Variants in TDRD6 observed in about 807,000 individuals in gnomAD.
TDRD6 encodes tudor domain-containing protein 6.
Under a neutral mutation model 157.5 loss-of-function variants are expected in TDRD6, and 186 were observed. The observed-to-expected ratio is 1.18, with a 90% CI of 1.05 to 1.33. The LOEUF (loss-of-function observed/expected upper bound fraction) is 1.33, where lower values mean the gene tolerates loss of function less well. Among genes scored for constraint, TDRD6 ranks in the 40% most tolerant of loss-of-function variants. The probability of loss-of-function intolerance (pLI) is 0.00; values close to 1 mark genes in which losing one functional copy is unlikely to be tolerated. For synonymous variants in TDRD6, 1,075 were observed against 945.2 expected (o/e 1.14, Z -2.52); for missense variants, 3,066 against 2,508.0 (o/e 1.22, Z -4.75).
rs1467818221 is a variant in TDRD6 at position 46,691,301 on chromosome 6, A to G, written c.3173A>G (p.Glu1058Gly). The change falls in exon 1 of 4, where the codon GAG becomes GGG. Residue 1058 changes from glutamate (E) to glycine (G), a missense_variant. By Grantham distance (98) the Glu-to-Gly change is moderately conservative. Coordinates refer to ENST00000316081, the MANE Select transcript of TDRD6 (RefSeq NM_001010870.3). The part of the protein sequence containing the change: ...NWYRGIVIEK[E>G]PKKVFFVDFG... ...TATAGGGGCATAGTAATAGAGAAAG[A>G]GCCAAAGAAAGTCTTCTTTGTTGAT... The G allele has an allele frequency of 5.6e-6, 9 of 1,614,142 alleles. No homozygotes were observed. The highest frequency in any genetic ancestry group is 7.6e-6 in the Non-Finnish European group (9 of 1,179,978).
upstream of TDRD6, among the ~76,000 whole-genome samples, chr6:46,684,365 T>TTGTGTGTGTGTGTGTG (rs56327636): frequency 2.0e-5 from 3 of 146,988 alleles, no homozygotes; most frequent in African/African-American, 7.5e-5. Context: ...AAGCACACAT[T>TTGTGTGTGTGTGTGTG]TGTGTGTGTG....
upstream of TDRD6, among the ~76,000 whole-genome samples, chr6:46,686,476 T>TAAA (rs35028991): frequency 1.8e-3 from 224 of 127,836 alleles, 4 homozygotes; most frequent in East Asian, 0.012. Context: ...TAGAAGTATG[T>TAAA]AAAAAAAAAA....
At position 46,689,818 on chromosome 6, in the gene TDRD6, A is replaced by G. The variant is rs1764251562; in HGVS notation, c.1690A>G (p.Ser564Gly). ...CATAGTCACCAAATTGGATGACAAG[A>G]GTGTGGATGTATTCTTAGTTGACCG... ...RAIVTKLDDK[S>G]VDVFLVDRGN... The change falls in exon 1 of 4, where the codon AGT (serine) becomes GGT (glycine). Residue 564 changes from serine to glycine, a missense_variant. Ser to Gly is a moderately conservative substitution (Grantham distance 56). Coordinates refer to ENST00000316081, the MANE Select transcript of TDRD6 (RefSeq NM_001010870.3). 1 of 1,614,196 alleles carries G rather than the reference A, an allele frequency of 6.2e-7. No individual in the cohort carries two copies. The highest frequency in any genetic ancestry group is 8.5e-7 in the Non-Finnish European group (1 of 1,180,038).
Position 46,688,213 on chromosome 6 carries a change from C to G in TDRD6, c.85C>G (p.Pro29Ala). The G allele has an allele frequency of 6.5e-7, 1 of 1,541,648 alleles. No individual in the cohort carries two copies. Among genetic ancestry groups the G allele is most frequent in the Non-Finnish European group, 8.7e-7 (1 of 1,150,230 alleles). Residue 29 changes from proline to alanine, a missense_variant, in exon 1 of 4, where the codon CCG becomes GCG. Physicochemically the swap from Pro to Ala is conservative, Grantham distance 27. Coordinates refer to ENST00000316081, the MANE Select transcript of TDRD6 (RefSeq NM_001010870.3). The stretch of plus-strand genomic sequence containing the variant: ...CGTGGACGTGCATCCCGATGTGATC[C>G]CGGTGCAGCTGTGGGGGCTGGTGGG... ...SFVDVHPDVI[P>A]VQLWGLVGER...
chr6:46,695,790 G>T, intron 1 of TDRD6, 31 bp from the exon 2 acceptor site: 1 of 1,601,590 alleles, frequency 6.2e-7, no homozygotes, highest in Non-Finnish European at 8.5e-7. Context: ...TAAGAGATAT[G>T]CATTGAGTCT....
At position 46,688,495 on chromosome 6, in the gene TDRD6, C is replaced by T. The variant is rs868736513; in HGVS notation, c.367C>T (p.Pro123Ser). 9.0e-6 allele frequency: 14 copies of T among 1,556,528 alleles called. No homozygotes were observed. Among genetic ancestry groups the T allele is most frequent in the East Asian group, 2.4e-5 (1 of 42,056 alleles). The change falls in exon 1 of 4, where the codon CCC (proline) becomes TCC (serine). Residue 123 changes from proline to serine, a missense_variant. Coordinates refer to ENST00000316081, the MANE Select transcript of TDRD6 (RefSeq NM_001010870.3). ...APGRREFFNL[P>S]SEVLGCVLAG... ...TGGGCGCAGAGAGTTCTTCAATTTGCCCTCGGAAGTGCTGGGCTGCGTGCT... is the reference window on the plus strand; with the variant it reads ...TGGGCGCAGAGAGTTCTTCAATTTGTCCTCGGAAGTGCTGGGCTGCGTGCT...
intron 2 of TDRD6, among the ~76,000 whole-genome samples, chr6:46,696,602 T>TATATA (rs1442275184): frequency 1.5e-4 from 2 of 13,626 alleles, no homozygotes; most frequent in Non-Finnish European, 2.7e-4. Flanking sequence ...TATATATATA[T>TATATA]TTTTTTTTTT....
Position 46,689,289 on chromosome 6 carries a change from C to G in TDRD6, c.1161C>G (p.Gly387=), listed in dbSNP as rs184454222. ...ATGGACTCTGGGACGGTGGGAGAGG[C>G]TGGTCTCGGTCACAGGTCGGTGACC... ...ALYGLWDGGR[G]WSRSQVGDLK... is the part of the protein sequence containing the mutation. Residue 387 remains glycine (G), a synonymous_variant, in exon 1 of 4, where the codon GGC becomes GGG. Transcript: ENST00000316081. 1.6e-4 allele frequency: 254 copies of G among 1,614,168 alleles called. 2 individuals carry two copies. In the East Asian group the frequency reaches 5.5e-3, roughly 35 times the overall value.
chr6:46,688,813 C>G lies in TDRD6; in HGVS notation c.685C>G (p.Arg229Gly). Reference protein sequence around the residue: ...SVGSGVPVLSRVPLKQKQPGL... With the variant: ...SVGSGVPVLSGVPLKQKQPGL... ...GGGCTCCGGGGTCCCGGTTCTCTCG[C>G]GAGTCCCGCTCAAGCAAAAGCAGCC... Residue 229 changes from arginine (R) to glycine (G), a missense_variant, in exon 1 of 4, where the codon CGA (arginine) becomes GGA (glycine). Transcript: ENST00000316081. 5 of 1,611,992 alleles carry G rather than the reference C, an allele frequency of 3.1e-6. No individual in the cohort carries two copies. The highest frequency in any genetic ancestry group is 4.2e-6 in the Non-Finnish European group (5 of 1,179,742).
rs200563264 is a variant in TDRD6, at chr6:46,690,764, C to G, written c.2636C>G (p.Ala879Gly). The change falls in exon 1 of 4, where the codon GCT becomes GGT. Residue 879 changes from alanine (A) to glycine (G), a missense_variant. Coordinates refer to ENST00000316081, the MANE Select transcript of TDRD6 (RefSeq NM_001010870.3). ...GAATTTCTGAAGGTTAAGGCACAGGCTTTTAGGTGCAGTCTTTATAATTTA... is the reference window on the plus strand; with the variant it reads ...GAATTTCTGAAGGTTAAGGCACAGGGTTTTAGGTGCAGTCTTTATAATTTA... ...SEEFLKVKAQ[A>G]FRCSLYNLIQ... 6.2e-7 allele frequency: 1 copy of G among 1,613,982 alleles called. No individual in the cohort carries two copies. Among genetic ancestry groups the G allele is most frequent in the African/African-American group, 1.3e-5 (1 of 74,898 alleles).
Position 46,690,011 on chromosome 6 carries a change from A to G in TDRD6, c.1883A>G (p.Glu628Gly). ...TTTAAAAAGACTGTGCTCCACAAAG[A>G]ATTAGTCATCCATATTCTTGATAAA... ...SFFKKTVLHK[E>G]LVIHILDKQD... The change falls in exon 1 of 4, where the codon GAA (glutamate) becomes GGA (glycine). Residue 628 changes from glutamate to glycine, a missense_variant. Coordinates refer to ENST00000316081, the MANE Select transcript of TDRD6 (RefSeq NM_001010870.3). 5.0e-6 allele frequency: 8 copies of G among 1,613,878 alleles called. No homozygotes were observed. The highest frequency in any genetic ancestry group is 6.8e-6 in the Non-Finnish European group (8 of 1,179,884).
the TDRD6 span, among the ~76,000 whole-genome samples, chr6:46,680,473 C>T: frequency 5.9e-5 from 9 of 152,098 alleles, no homozygotes; most frequent in South Asian, 1.9e-3. Flanking sequence ...GGTTTATATT[C>T]TCATATTTCA....
upstream of TDRD6, among the ~76,000 whole-genome samples, chr6:46,687,143 A>G (rs1764116752): frequency 6.6e-6 from 1 of 152,216 alleles, no homozygotes; most frequent in African/African-American, 2.4e-5. Flanking sequence ...CATTTAACAG[A>G]GGCCTCAAAG....
chr6:46,702,175 A>G lies in TDRD6; in HGVS notation c.*288A>G, dbSNP rs555863832. On this transcript the variant is annotated 3_prime_UTR_variant, in exon 4 of 4. Coordinates refer to ENST00000316081, the MANE Select transcript of TDRD6 (RefSeq NM_001010870.3). ...TTGCTAAACAGTTTACTAACACATTACATTTCAAAAACTATTTTGGTACCT... is the reference window on the plus strand; with the variant it reads ...TTGCTAAACAGTTTACTAACACATTGCATTTCAAAAACTATTTTGGTACCT... 7 of 261,442 alleles carry G rather than the reference A, an allele frequency of 2.7e-5. No homozygotes were observed. The highest frequency in any genetic ancestry group is 1.1e-4 in the Admixed American group (2 of 18,912). The allele number at this position is 261,442 out of a possible 1,614,324, so 16.2% of individuals were successfully genotyped here.
At position 46,688,451 on chromosome 6, in the gene TDRD6, G is replaced by A. The variant is rs1764181249; in HGVS notation, c.323G>A (p.Gly108Glu). ...GACGAGGGCCGCACCATCACGGCCG[G>A]AGCAGGCTCGCTGGCGCCTGGGCGC... ...LLDEGRTITA[G>E]AGSLAPGRRE... The change falls in exon 1 of 4, where the codon GGA becomes GAA. Residue 108 changes from glycine to glutamate, a missense_variant. Gly to Glu is a moderately conservative substitution (Grantham distance 98, BLOSUM62 -2). Coordinates refer to ENST00000316081, the MANE Select transcript of TDRD6 (RefSeq NM_001010870.3). 1 of 1,543,084 alleles carries A rather than the reference G, an allele frequency of 6.5e-7. No homozygotes were observed. The highest frequency in any genetic ancestry group is 2.4e-5 in the East Asian group (1 of 40,918).
Position 46,688,236 on chromosome 6 carries a change from G to T in TDRD6, c.108G>T (p.Val36=). Residue 36 remains valine, a synonymous_variant, in exon 1 of 4, where the codon GTG becomes GTT. Transcript: ENST00000316081. The stretch of plus-strand genomic sequence containing the variant: ...TCCCGGTGCAGCTGTGGGGGCTGGT[G>T]GGCGAGCGGCGGGGCGAGTACCTGC... The part of the protein sequence containing the change: ...DVIPVQLWGL[V]GERRGEYLRL... 6.5e-7 allele frequency: 1 copy of T among 1,527,860 alleles called. No homozygotes were observed. The allele number at this position is 1,527,860 out of a possible 1,614,324, so 94.6% of individuals were successfully genotyped here. A position where few individuals can be genotyped will look rare whatever the true frequency, so the allele number is the denominator to read the frequency against.
Position 46,692,529 on chromosome 6 carries a change from G to A in TDRD6, c.4401G>A (p.Gly1467=). 1.2e-6 allele frequency: 2 copies of A among 1,613,754 alleles called. No homozygotes were observed. The highest frequency in any genetic ancestry group is 8.5e-7 in the Non-Finnish European group (1 of 1,180,004). Residue 1467 remains glycine (G), a synonymous_variant, in exon 1 of 4, where the codon GGG becomes GGA. Transcript: ENST00000316081. ...AAGTTATTCTTGCTGATGAACATGG[G>A]ATCATAGCAGATGATATGATTAGCA... ...RWEVILADEH[G]IIADDMISRY...
chr6:46,692,217 C>T lies in TDRD6; in HGVS notation c.4089C>T (p.Phe1363=), dbSNP rs774897873. ...LQRGDMICAV[F]PEDNLWYRAV... is the part of the protein sequence containing the mutation. ...GAGGAGATATGATATGTGCTGTTTT[C>T]CCAGAAGATAATTTATGGTATCGTG... is the stretch of plus-strand genomic sequence containing the variant. The change falls in exon 1 of 4, where the codon TTC becomes TTT. Residue 1363 remains phenylalanine, a synonymous_variant. Transcript: ENST00000316081. 10 of 1,613,914 alleles carry T rather than the reference C, an allele frequency of 6.2e-6. No individual in the cohort carries two copies. Among genetic ancestry groups the T allele is most frequent in the Non-Finnish European group, 8.5e-6 (10 of 1,179,974 alleles).
chr6:46,680,887 C>G, the TDRD6 span, among the ~76,000 whole-genome samples: 4 of 152,278 alleles, frequency 2.6e-5, no homozygotes, highest in South Asian at 8.3e-4. Flanking sequence ...TTAAATTCTA[C>G]CTCAGTTATC....
Sources: gnomAD v4.1 joint callset for allele counts (sites outside exome capture counted in the v4.1 genomes callset) on GRCh38, gnomAD v4.1.1 for gene constraint, MANE v1.5 for transcripts, NCBI Gene and HGNC (gene_info 2026-07-23, HGNC 2026-07-21) for gene names.